CADM2: variants seen among roughly 807,000 people sequenced by gnomAD.
The protein encoded by CADM2 is immunoglobulin superfamily member 4D.
CADM2 carries 12 observed loss-of-function variants against 49.8 expected under a neutral mutation model. The ratio of observed to expected loss-of-function variants is 0.24; its 90% CI spans 0.15 to 0.39. The LOEUF (loss-of-function observed/expected upper bound fraction) is 0.39. CADM2 is among the 10% of genes least tolerant of loss of function. CADM2 has a pLI of 1.00. For missense variants in CADM2, 378 were observed against 492.3 expected, an observed-to-expected ratio of 0.77 and a Z score of 2.20; for synonymous variants, 214 against 175.4, an observed-to-expected ratio of 1.22 and a Z score of -1.74.
At chr3:85,472,227 G>T (rs1039746985) in intron 1 of CADM2, among the ~76,000 whole-genome samples, 13 of 151,642 alleles carry the variant, frequency 8.6e-5, no homozygotes, top group Non-Finnish European at 1.3e-4. Context: ...TAAATTATTT[G>T]TTGATCTAGG....
At chr3:85,546,335 A>G (rs1224213648) in intron 1 of CADM2, among the ~76,000 whole-genome samples, 2 of 152,174 alleles carry the variant, frequency 1.3e-5, no homozygotes, top group East Asian at 1.9e-4. Flanking sequence ...CTTCTTTGAT[A>G]GCATCATCCA....
chr3:85,551,812 C>T (rs1430108790), intron 1 of CADM2, among the ~76,000 whole-genome samples: 2 of 152,092 alleles, frequency 1.3e-5, no homozygotes, highest in African/African-American at 4.8e-5. Context: ...TCATAGAAAT[C>T]ACAGACTTGC....
intron 1 of CADM2, among the ~76,000 whole-genome samples, chr3:85,301,722 T>C (rs948204385): frequency 7.9e-5 from 12 of 152,032 alleles, no homozygotes; most frequent in Admixed American, 7.2e-4. Flanking sequence ...TACTGTAGAA[T>C]ATTGTACTTC....
At chr3:85,200,615 C>A (rs2041470087) in intron 1 of CADM2, among the ~76,000 whole-genome samples, 1 of 152,014 alleles carries the variant, frequency 6.6e-6, no homozygotes, top group Non-Finnish European at 1.5e-5. Context: ...ATGCGGATTG[C>A]TGGAATGAAG....
chr3:85,813,523 G>A (rs1218160291), intron 3 of CADM2, among the ~76,000 whole-genome samples: 1 of 152,224 alleles, frequency 6.6e-6, no homozygotes, highest in East Asian at 1.9e-4. Context: ...CTTTTGCTGT[G>A]CAGAAGTTCT....
intron 6 of CADM2, among the ~76,000 whole-genome samples, chr3:85,935,235 T>G (rs1222968204): frequency 6.6e-6 from 1 of 152,144 alleles, no homozygotes; most frequent in Non-Finnish European, 1.5e-5. Flanking sequence ...ACTGTACTTC[T>G]GTACTTCAGA....
intron 7 of CADM2, among the ~76,000 whole-genome samples, chr3:85,939,724 G>A (rs1005547151): frequency 2.0e-5 from 3 of 150,298 alleles, no homozygotes; most frequent in African/African-American, 7.4e-5. Flanking sequence ...GTTTTTCTAT[G>A]TATCCAGCAC....
chr3:85,348,312 A>G (rs2030977752), intron 1 of CADM2, among the ~76,000 whole-genome samples: 1 of 152,176 alleles, frequency 6.6e-6, no homozygotes, highest in Non-Finnish European at 1.5e-5. Flanking sequence ...CACCTGCATT[A>G]TGAAAGGTGA....
chr3:85,965,635 A>G (rs2108626977), intron 8 of CADM2, among the ~76,000 whole-genome samples: 1 of 151,752 alleles, frequency 6.6e-6, no homozygotes, highest in African/African-American at 2.4e-5. Context: ...CAATGTTAAC[A>G]CATTGACCAT....
chr3:86,039,819 T>A (rs1735633921), intron 8 of CADM2, among the ~76,000 whole-genome samples: 1 of 145,518 alleles, frequency 6.9e-6, no homozygotes, highest in Non-Finnish European at 1.5e-5. Flanking sequence ...GTAGCCTAAT[T>A]GGGAGGCACC....
chr3:85,985,551 G>A (rs1367235663), intron 8 of CADM2, among the ~76,000 whole-genome samples: 2 of 151,676 alleles, frequency 1.3e-5, no homozygotes, highest in South Asian at 2.1e-4. Context: ...TTTAGTATAC[G>A]TCTGGAATGA....
intron 1 of CADM2, among the ~76,000 whole-genome samples, chr3:85,353,223 A>G (rs1021839518): frequency 4.0e-5 from 6 of 151,696 alleles, no homozygotes; most frequent in African/African-American, 1.5e-4. Context: ...AGTTGAAGTC[A>G]GTGACTCTTA....
intron 1 of CADM2, among the ~76,000 whole-genome samples, chr3:85,652,364 A>T: frequency 6.6e-6 from 1 of 152,190 alleles, no homozygotes; most frequent in East Asian, 1.9e-4. Context: ...AACAATGCAT[A>T]TATATGATAT....
chr3:84,997,236 T>C (rs988740224), intron 1 of CADM2, among the ~76,000 whole-genome samples: 31 of 152,132 alleles, frequency 2.0e-4, no homozygotes, highest in African/African-American at 7.0e-4. Flanking sequence ...TATTTACTTA[T>C]GCTTGGAATC....
intron 1 of CADM2, among the ~76,000 whole-genome samples, chr3:85,125,673 G>A (rs2039009732): frequency 6.6e-6 from 1 of 152,166 alleles, no homozygotes; most frequent in Non-Finnish European, 1.5e-5. Context: ...TACTCTTGGG[G>A]ACTCTTCAGT....
At chr3:85,521,718 G>T (rs1233593040) in intron 1 of CADM2, among the ~76,000 whole-genome samples, 4 of 152,146 alleles carry the variant, frequency 2.6e-5, no homozygotes, top group Non-Finnish European at 5.9e-5. Flanking sequence ...CATATTCCGT[G>T]AGTTTATTGA....
chr3:85,359,649 TATATATATATA>T (rs1370477106), intron 1 of CADM2, among the ~76,000 whole-genome samples: 1 of 14,230 alleles, frequency 7.0e-5, no homozygotes, highest in Non-Finnish European at 3.9e-4. Flanking sequence ...TATATATATA[TATATATATATA>T]TATATATTTT....
rs1437771971 is a variant in CADM2, at chr3:86,071,459, C to T, written c.*4676C>T. 1 of 151,754 alleles carries T rather than the reference C, an allele frequency of 6.6e-6. No individual in the cohort carries two copies. The highest frequency in any genetic ancestry group is 2.4e-5 in the African/African-American group (1 of 41,378). 9.4% of individuals were successfully genotyped at this position (151,754 alleles called of 1,614,324 possible). ...AACATATAACAATGGGTTCTAAAAT[C>T]ATCAGCATTTTTATGTATTGAGATT... On this transcript the variant is annotated 3_prime_UTR_variant, in exon 10 of 10. Transcript: ENST00000383699.
chr3:85,522,761 A>C (rs778710454), intron 1 of CADM2, among the ~76,000 whole-genome samples: 2 of 152,068 alleles, frequency 1.3e-5, no homozygotes, highest in Non-Finnish European at 2.9e-5. Flanking sequence ...GAAGGGAGAA[A>C]GTATCAAGAA....
Sources: allele counts gnomAD v4.1 joint callset (sites outside exome capture counted in the v4.1 genomes callset), GRCh38; gene constraint gnomAD v4.1.1; transcripts MANE v1.5; gene names NCBI Gene and HGNC (gene_info 2026-07-23, HGNC 2026-07-21).